The following STK33 variants were observed in gnomAD, a reference collection of about 807,000 sequenced individuals.
The protein encoded by STK33 is serine/threonine kinase 33.
A neutral mutation model predicts 58.0 loss-of-function variants in STK33; 52 were observed. That is an observed-to-expected ratio of 0.90 (90% CI 0.72 to 1.13). STK33 has a LOEUF of 1.13. Among genes scored for constraint, STK33 ranks in the 50% most tolerant of loss-of-function variants. STK33 has a pLI of 0.00. For missense variants in STK33, 630 were observed against 604.2 expected, an observed-to-expected ratio of 1.04 and a Z score of -0.45; for synonymous variants, 215 against 200.1, an observed-to-expected ratio of 1.07 and a Z score of -0.63.
intron 14 of STK33, among the ~76,000 whole-genome samples, chr11:8,433,647 C>T (rs573958030): frequency 6.6e-6 from 1 of 152,268 alleles, no homozygotes; most frequent in South Asian, 2.1e-4. Context: ...TCTATTTCTC[C>T]TACAGTCTTC....
intron 11 of STK33, among the ~76,000 whole-genome samples, chr11:8,451,353 A>G (rs1946251522): frequency 6.6e-6 from 1 of 152,230 alleles, no homozygotes; most frequent in Non-Finnish European, 1.5e-5. Flanking sequence ...AGGGGTAAGT[A>G]GATAAACAAA....
chr11:8,570,436 A>G (rs1281456277), intron 1 of STK33, among the ~76,000 whole-genome samples: 1 of 152,214 alleles, frequency 6.6e-6, no homozygotes, highest in African/African-American at 2.4e-5. Context: ...AAAAATAAAT[A>G]CATATGTCTA....
intron 1 of STK33, among the ~76,000 whole-genome samples, chr11:8,508,321 T>A (rs1467630676): frequency 2.1e-5 from 3 of 140,798 alleles, no homozygotes; most frequent in Non-Finnish European, 3.0e-5. Flanking sequence ...CAGGCTGGAG[T>A]GTAGCTGCAC....
At chr11:8,508,041 C>G (rs1306784667) in intron 1 of STK33, among the ~76,000 whole-genome samples, 1 of 152,066 alleles carries the variant, frequency 6.6e-6, no homozygotes, top group South Asian at 2.1e-4. Flanking sequence ...CAGGCACCCT[C>G]CATCATGCCC....
intron 1 of STK33, among the ~76,000 whole-genome samples, chr11:8,572,229 G>T (rs1957877847): frequency 6.6e-6 from 1 of 151,790 alleles, no homozygotes; most frequent in South Asian, 2.1e-4. Flanking sequence ...TAATACACAG[G>T]GCAGCAAGTA....
chr11:8,406,567 T>C (rs1412240256), intron 15 of STK33, among the ~76,000 whole-genome samples: 1 of 152,218 alleles, frequency 6.6e-6, no homozygotes, highest in Non-Finnish European at 1.5e-5. Context: ...TTCATGGTTT[T>C]GGTATAAATA....
Position 8,475,029 on chromosome 11 carries a change from G to C in STK33, c.-124C>G. On this transcript the variant is annotated 5_prime_UTR_variant, in exon 5 of 16. Transcript: ENST00000687296. ...TAATTTCGAACTGGTGAAGTCCTCA[G>C]GTTAAGGATGCACTAGACACATATT... 2.6e-6 allele frequency: 2 copies of C among 783,490 alleles called. No individual in the cohort carries two copies. Among genetic ancestry groups the C allele is most frequent in the Non-Finnish European group, 4.0e-6 (2 of 498,506 alleles). The allele number at this position is 783,490 out of a possible 1,614,324, so 48.5% of individuals were successfully genotyped here. A position where few individuals can be genotyped will look rare whatever the true frequency, so the allele number is the denominator to read the frequency against.
intron 1 of STK33, among the ~76,000 whole-genome samples, chr11:8,523,620 G>A (rs1315072495): frequency 6.6e-6 from 1 of 152,124 alleles, no homozygotes; most frequent in Non-Finnish European, 1.5e-5. Flanking sequence ...TCTGGGAAGT[G>A]AGGAGCATCT....
intron 1 of STK33, among the ~76,000 whole-genome samples, chr11:8,565,343 G>A (rs1206907443): frequency 6.6e-6 from 1 of 152,130 alleles, no homozygotes; most frequent in South Asian, 2.1e-4. Context: ...GTTGTAATTG[G>A]GGTTTACCCA....
chr11:8,496,989 T>C (rs960517227), intron 1 of STK33, among the ~76,000 whole-genome samples: 3 of 152,198 alleles, frequency 2.0e-5, no homozygotes, highest in Non-Finnish European at 4.4e-5. Context: ...ATGAATAGTT[T>C]TGCATAGCAT....
At chr11:8,585,398 T>A (rs964764128) in intron 1 of STK33, among the ~76,000 whole-genome samples, 5 of 150,144 alleles carry the variant, frequency 3.3e-5, no homozygotes, top group South Asian at 4.2e-4. Flanking sequence ...CTAATTTTTG[T>A]ATTTTTAGTA....
intron 1 of STK33, among the ~76,000 whole-genome samples, chr11:8,534,566 CTCTGTGTGTGTGTGTG>C (rs1954832745): frequency 9.4e-6 from 1 of 106,398 alleles, no homozygotes; most frequent in South Asian, 3.0e-4. Flanking sequence ...CTCTCTCTCT[CTCTGTGTGTGTGTGTG>C]TGTGTGTGTG....
chr11:8,506,222 A>T (rs1356433345), intron 1 of STK33, among the ~76,000 whole-genome samples: 1 of 152,192 alleles, frequency 6.6e-6, no homozygotes, highest in Admixed American at 6.5e-5. Context: ...TAAATAGTGA[A>T]GATCAGAGCT....
At chr11:8,452,699 G>A (rs1946423443) in intron 11 of STK33, 123 bp downstream of exon 11, 2 of 745,124 alleles carry the variant, frequency 2.7e-6, no homozygotes, top group South Asian at 1.7e-5. Context: ...GAGGTGGGGG[G>A]ATGGCTTGAG....
chr11:8,494,322 C>A (rs1950877881), intron 1 of STK33, among the ~76,000 whole-genome samples: 1 of 152,102 alleles, frequency 6.6e-6, no homozygotes, highest in Non-Finnish European at 1.5e-5. Context: ...ACAGCCAAAT[C>A]ATGAGTGAAC....
intron 1 of STK33, among the ~76,000 whole-genome samples, chr11:8,491,440 T>C (rs1591454675): frequency 6.6e-6 from 1 of 152,248 alleles, no homozygotes; most frequent in East Asian, 1.9e-4. Context: ...AATATGGGAC[T>C]AGGTGAAAAG....
chr11:8,391,721 G>A (rs1320818538), downstream of STK33: 1 of 152,360 alleles, frequency 6.6e-6, no homozygotes, highest in East Asian at 1.9e-4. Context: ...ATAAAGCTAA[G>A]AGAAATGAGG....
the STK33 span, among the ~76,000 whole-genome samples, chr11:8,362,910 C>CCTCCT: frequency 0.18 from 5,147 of 28,260 alleles, 283 homozygotes; most frequent in African/African-American, 0.28. Context: ...CTCTCCCTTC[C>CCTCCT]TTCCTTCCTC....
At chr11:8,545,487 CA>C (rs1165357789) in intron 1 of STK33, among the ~76,000 whole-genome samples, 1 of 152,094 alleles carries the variant, frequency 6.6e-6, no homozygotes, top group Non-Finnish European at 1.5e-5. Flanking sequence ...ACTAATGTTA[CA>C]AAGTATTTAT....
Sources: allele counts gnomAD v4.1 joint callset (sites outside exome capture counted in the v4.1 genomes callset), GRCh38; gene constraint gnomAD v4.1.1; transcripts MANE v1.5; gene names NCBI Gene and HGNC (gene_info 2026-07-23, HGNC 2026-07-21).